Variants in TTC4 observed in about 807,000 individuals in gnomAD.
The protein encoded by TTC4 is tetratricopeptide repeat domain 4.
In TTC4, 36 loss-of-function variants were observed where a neutral mutation model predicts 51.9. The observed-to-expected ratio is 0.69, with a 90% CI of 0.53 to 0.92. The LOEUF (loss-of-function observed/expected upper bound fraction) is 0.92, where lower values mean the gene tolerates loss of function less well. TTC4 is among the 40% of genes least tolerant of loss of function. TTC4 has a pLI of 0.00. For missense variants in TTC4, 399 were observed against 454.6 expected, an observed-to-expected ratio of 0.88 and a Z score of 1.11; for synonymous variants, 144 against 164.2, an observed-to-expected ratio of 0.88 and a Z score of 0.94.
intron 8 of TTC4, among the ~76,000 whole-genome samples, chr1:54,736,253 GGA>G (rs142589480): frequency 0.03 from 3,697 of 125,040 alleles, 452 homozygotes; most frequent in African/African-American, 0.12. Flanking sequence ...AGAGGAGAGA[GGA>G]GAGAGAGAGA....
At chr1:54,728,633 G>A (rs928657660) in intron 6 of TTC4, among the ~76,000 whole-genome samples, 2 of 152,158 alleles carry the variant, frequency 1.3e-5, no homozygotes, top group Non-Finnish European at 2.9e-5. Flanking sequence ...TGCATGTGTT[G>A]GTCTCAGTAA....
Position 54,741,403 on chromosome 1 carries a change from C to A in TTC4, c.1062-8C>A. 6.2e-7 allele frequency: 1 copy of A among 1,610,816 alleles called. No individual in the cohort carries two copies. Among genetic ancestry groups the A allele is most frequent in the Non-Finnish European group, 8.5e-7 (1 of 1,176,970 alleles). On this transcript the variant is annotated splice_polypyrimidine_tract_variant and splice_region_variant and intron_variant, in intron 9 of 9. Coordinates refer to ENST00000371281, the MANE Select transcript of TTC4 (RefSeq NM_004623.5). ...TTAACACCCTCTCTTTTGTTGTGTTCACGGCAGGTACTTTGTAAAAGCCCT... is the reference window on the plus strand; with the variant it reads ...TTAACACCCTCTCTTTTGTTGTGTTAACGGCAGGTACTTTGTAAAAGCCCT...
rs1288176194 is a variant in TTC4, at chr1:54,732,174, A to T, written c.896+474A>T. Among the ~76,000 whole-genome samples, 4 of 151,976 alleles carry T rather than the reference A, an allele frequency of 2.6e-5. 1 individual carries two copies. The stretch of plus-strand genomic sequence containing the variant: ...TGGTGAAACCCAGTCTCTACTAAAA[A>T]TACAAAAAATTAGCTGGGCATCTGT... On this transcript the variant is annotated intron_variant, in intron 7 of 9. Coordinates refer to ENST00000371281, the MANE Select transcript of TTC4 (RefSeq NM_004623.5).
Position 54,717,668 on chromosome 1 carries a change from C to T in TTC4, c.391+15C>T. On this transcript the variant is annotated intron_variant, in intron 3 of 9. Transcript: ENST00000371281. The stretch of plus-strand genomic sequence containing the variant: ...GTACTATCTGGGTAATTTATAAGTG[C>T]TTTCTGAAGAATAAACTTATGATAC... 6.6e-7 allele frequency: 1 copy of T among 1,505,616 alleles called. No individual in the cohort carries two copies. The highest frequency in any genetic ancestry group is 8.9e-7 in the Non-Finnish European group (1 of 1,127,030). The allele number at this position is 1,505,616 out of a possible 1,614,324, so 93.3% of individuals were successfully genotyped here.
intron 6 of TTC4, among the ~76,000 whole-genome samples, chr1:54,729,792 C>T (rs552239351): frequency 1.5e-3 from 232 of 150,920 alleles, no homozygotes; most frequent in Middle Eastern, 3.4e-3. Flanking sequence ...GGTGCAATCT[C>T]GGCTCACTGC....
intron 5 of TTC4, among the ~76,000 whole-genome samples, chr1:54,725,438 A>C (rs1385316750): frequency 6.6e-6 from 1 of 152,248 alleles, no homozygotes; most frequent in Non-Finnish European, 1.5e-5. Context: ...AGATGGTCAC[A>C]CATGTGCCCA....
Position 54,737,679 on chromosome 1 carries a change from G to C in TTC4, c.1061+15G>C. 1 of 1,611,094 alleles carries C rather than the reference G, an allele frequency of 6.2e-7. No individual in the cohort carries two copies. The highest frequency in any genetic ancestry group is 8.5e-7 in the Non-Finnish European group (1 of 1,179,404). On this transcript the variant is annotated intron_variant, in intron 9 of 9. Transcript: ENST00000371281. ...CAGCACCAGAGGTGAGTCATCTCAT[G>C]GCGCTGAGTAGATTGGGGAAGATGC...
chr1:54,722,418 T>C (rs758940315), intron 4 of TTC4, among the ~76,000 whole-genome samples: 9 of 152,228 alleles, frequency 5.9e-5, no homozygotes, highest in Non-Finnish European at 1.3e-4. Context: ...CACTAAGTTA[T>C]AGCTTTTCCT....
intron 8 of TTC4, 108 bp from the exon 9 acceptor site, chr1:54,737,474 C>A: frequency 2.3e-6 from 2 of 879,734 alleles, no homozygotes; most frequent in Non-Finnish European, 3.5e-6. Context: ...ATAAAGGAGG[C>A]ATTCAACTAC....
chr1:54,733,611 T>G lies in TTC4; in HGVS notation c.897-18T>G. 2 of 1,579,770 alleles carry G rather than the reference T, an allele frequency of 1.3e-6. No individual in the cohort carries two copies. Among genetic ancestry groups the G allele is most frequent in the Non-Finnish European group, 1.7e-6 (2 of 1,162,092 alleles). On this transcript the variant is annotated intron_variant, in intron 7 of 9. Coordinates refer to ENST00000371281, the MANE Select transcript of TTC4 (RefSeq NM_004623.5). Reference sequence around the variant, plus strand: ...TCATGAGTTATTGATACCCAGAAAGTACATGTTTTATCCTTAGGTTTATTG... The same window carrying G: ...TCATGAGTTATTGATACCCAGAAAGGACATGTTTTATCCTTAGGTTTATTG...
chr1:54,716,361 G>A (rs993126056), intron 1 of TTC4, among the ~76,000 whole-genome samples: 4 of 152,280 alleles, frequency 2.6e-5, no homozygotes, highest in South Asian at 2.1e-4. Flanking sequence ...AAGAACATAA[G>A]GGCGCTCAAT....
At position 54,741,771 on chromosome 1, in the gene TTC4, C is replaced by T; in HGVS notation, c.*258C>T. 7.8e-6 allele frequency: 4 copies of T among 513,260 alleles called. No homozygotes were observed. The South Asian group carries it at 9.8e-5, about 13-fold the overall frequency. 31.8% of individuals were successfully genotyped at this position (513,260 alleles called of 1,614,324 possible). ...CCTTGGACTCCATCGCTAAAGGGAC[C>T]ATCTGCTGCAGTTACCACAGCAACT... On this transcript the variant is annotated 3_prime_UTR_variant, in exon 10 of 10. Transcript: ENST00000371281.
intron 2 of TTC4, 109 bp downstream of exon 2, chr1:54,716,826 G>A: frequency 1.2e-6 from 1 of 845,512 alleles, no homozygotes; most frequent in South Asian, 1.7e-5. Context: ...GAGCTAACTT[G>A]TCATTATTCA....
At position 54,720,550 on chromosome 1, in the gene TTC4, A is replaced by T. The variant is rs372018342; in HGVS notation, c.392-613A>T. Among the ~76,000 whole-genome samples the T allele has an allele frequency of 1.2e-4, 18 of 151,746 alleles. 1 individual carries two copies. Among genetic ancestry groups the T allele is most frequent in the Admixed American group, 7.2e-4 (11 of 15,250 alleles). ...TACTCATAGAACCACCACTTAAAAC[A>T]ATATAGAACAGACATCCTACCGTGT... On this transcript the variant is annotated intron_variant, in intron 3 of 9. Transcript: ENST00000371281.
At chr1:54,721,382 TC>T in intron 4 of TTC4, 142 bp downstream of exon 4, 1 of 639,576 alleles carries the variant, frequency 1.6e-6, no homozygotes, top group East Asian at 2.9e-5. Context: ...TTAAAAGAAT[TC>T]CTCAGAGAGT....
chr1:54,728,543 T>C (rs1053902717), intron 6 of TTC4, 111 bp downstream of exon 6: 1 of 1,146,182 alleles, frequency 8.7e-7, no homozygotes, highest in African/African-American at 1.6e-5. Flanking sequence ...GTTCATTTTC[T>C]TTCTACTTTG....
intron 5 of TTC4, among the ~76,000 whole-genome samples, chr1:54,725,401 G>A (rs1313229116): frequency 6.6e-5 from 10 of 152,300 alleles, no homozygotes; most frequent in East Asian, 1.9e-4. Flanking sequence ...TGGGGGCTCC[G>A]AAAAGCTCCA....
At chr1:54,740,188 A>T (rs530127381) in intron 9 of TTC4, among the ~76,000 whole-genome samples, 1 of 152,176 alleles carries the variant, frequency 6.6e-6, no homozygotes, top group African/African-American at 2.4e-5. Flanking sequence ...TACCCAAAAA[A>T]ATTACAGAGT....
chr1:54,721,537 G>T (rs954918875), intron 4 of TTC4, among the ~76,000 whole-genome samples: 2 of 152,128 alleles, frequency 1.3e-5, no homozygotes, highest in Non-Finnish European at 2.9e-5. Flanking sequence ...GAAAGGCAAG[G>T]TCTTCAAATG....
Sources: gnomAD v4.1 joint callset for allele counts (sites outside exome capture counted in the v4.1 genomes callset) on GRCh38, gnomAD v4.1.1 for gene constraint, MANE v1.5 for transcripts, NCBI Gene and HGNC (gene_info 2026-07-23, HGNC 2026-07-21) for gene names.